Variants in CKAP2L observed in about 807,000 individuals in gnomAD.
CKAP2L encodes the protein cytoskeleton associated protein 2L.
CKAP2L carries 42 observed loss-of-function variants against 65.7 expected under a neutral mutation model. The ratio of observed to expected loss-of-function variants is 0.64; its 90% CI spans 0.50 to 0.83. CKAP2L has a LOEUF of 0.83. Ranked by LOEUF, CKAP2L falls within the 40% of genes least tolerant of loss-of-function variation. CKAP2L has a pLI of 0.00. For missense variants in CKAP2L, 908 were observed against 871.0 expected (o/e 1.04, Z -0.53); for synonymous variants, 325 against 313.5 (o/e 1.04, Z -0.39).
intron 2 of CKAP2L, among the ~76,000 whole-genome samples, chr2:112,761,235 C>T (rs964812704): frequency 6.6e-6 from 1 of 151,808 alleles, no homozygotes; most frequent in African/African-American, 2.4e-5. Flanking sequence ...CCAAGGCAGG[C>T]GGATCATGAG....
chr2:112,745,603 G>T (rs1163680974), intron 6 of CKAP2L, among the ~76,000 whole-genome samples: 1 of 152,030 alleles, frequency 6.6e-6, no homozygotes, highest in African/African-American at 2.4e-5. Flanking sequence ...AAATGGTCTC[G>T]ATCTCCTGAC....
At position 112,756,956 on chromosome 2, in the gene CKAP2L, C is replaced by G; in HGVS notation, c.415G>C (p.Val139Leu). Reference sequence around the variant, plus strand: ...AATTGCTCTATATTAAGTGACCCCACAGGTTTTCTTGACAGTTCTCCTGTT... The same window carrying G: ...AATTGCTCTATATTAAGTGACCCCAGAGGTTTTCTTGACAGTTCTCCTGTT... The part of the protein sequence containing the change: ...STTGELSRKP[V>L]GSLNIEQLKT... The change falls in exon 4 of 9, where the codon GTG (valine) becomes CTG (leucine). Residue 139 changes from valine to leucine, a missense_variant. Transcript: ENST00000302450. 1 of 1,614,242 alleles carries G rather than the reference C, an allele frequency of 6.2e-7. No individual in the cohort carries two copies. Among genetic ancestry groups the G allele is most frequent in the Non-Finnish European group, 8.5e-7 (1 of 1,180,040 alleles).
In CKAP2L at chr2:112,756,169, G is replaced by A. The variant is rs369995748; in HGVS notation, c.1202C>T (p.Thr401Ile). ...ATTATTGTTATGTTTATTACCACTG[G>A]TTCCATTTGGTCTTATGCTAGGGGT... Reference protein sequence around the residue: ...PSTPSIRPNGTSGNKHNNNGF... With the variant: ...PSTPSIRPNGISGNKHNNNGF... The change falls in exon 4 of 9, where the codon ACC becomes ATC. Residue 401 changes from threonine to isoleucine, a missense_variant. Transcript: ENST00000302450. 5.0e-6 allele frequency: 8 copies of A among 1,614,066 alleles called. No individual in the cohort carries two copies. Among genetic ancestry groups the A allele is most frequent in the Non-Finnish European group, 6.8e-6 (8 of 1,179,970 alleles).
chr2:112,756,161 T>C lies in CKAP2L; in HGVS notation c.1210A>G (p.Asn404Asp), dbSNP rs141509802. ...TGAAAGCCATTATTGTTATGTTTAT[T>C]ACCACTGGTTCCATTTGGTCTTATG... is the stretch of plus-strand genomic sequence containing the variant. The part of the protein sequence containing the change: ...PSIRPNGTSG[N>D]KHNNNGFQQK... Residue 404 changes from asparagine to aspartate, a missense_variant, in exon 4 of 9, where the codon AAT becomes GAT. Coordinates refer to ENST00000302450, the MANE Select transcript of CKAP2L (RefSeq NM_152515.5). The C allele has an allele frequency of 1.7e-4, 277 of 1,614,024 alleles. 2 individuals are homozygous for C. The highest frequency in any genetic ancestry group is 3.9e-5 in the Non-Finnish European group (46 of 1,180,002).
At chr2:112,741,816 A>G (rs1309264467) in intron 7 of CKAP2L, among the ~76,000 whole-genome samples, 1 of 151,794 alleles carries the variant, frequency 6.6e-6, no homozygotes, top group African/African-American at 2.4e-5. Flanking sequence ...GCTGGAGTGC[A>G]GTGGCGTGAT....
Position 112,756,531 on chromosome 2 carries a change from A to G in CKAP2L, c.840T>C (p.Ser280=), listed in dbSNP as rs1680543406. 4 of 1,609,246 alleles carry G rather than the reference A, an allele frequency of 2.5e-6. No individual in the cohort carries two copies. Among genetic ancestry groups the G allele is most frequent in the Non-Finnish European group, 2.5e-6 (3 of 1,178,242 alleles). ...CTTTACTAAGGGTCCGAATAAAGTG[A>G]GAGGGAACCGTCCTTGAGGGTTTTA... ...PGVKPSRTVP[S]HFIRTLSKVQ... is the part of the protein sequence containing the mutation. Residue 280 remains serine, a synonymous_variant, in exon 4 of 9, where the codon TCT becomes TCC. Coordinates refer to ENST00000302450, the MANE Select transcript of CKAP2L (RefSeq NM_152515.5).
intron 2 of CKAP2L, among the ~76,000 whole-genome samples, chr2:112,761,611 G>C (rs887956725): frequency 1.5e-4 from 23 of 149,212 alleles, no homozygotes; most frequent in Non-Finnish European, 3.3e-4. Flanking sequence ...TGCAGAAAAA[G>C]GATTGGAAAA....
chr2:112,756,867 A>G lies in CKAP2L; in HGVS notation c.504T>C (p.Asn168=). The G allele has an allele frequency of 6.2e-7, 1 of 1,607,452 alleles. No homozygotes were observed. Among genetic ancestry groups the G allele is most frequent in the Non-Finnish European group, 8.5e-7 (1 of 1,178,110 alleles). The part of the protein sequence containing the change: ...GNGKCIDFMN[N]IHVENESLDN... ...CCAAAGATTCGTTTTCAACATGGAT[A>G]TTATTCATAAAGTCTATACATTTAC... The change falls in exon 4 of 9, where the codon AAT becomes AAC. Residue 168 remains asparagine (N), a synonymous_variant. Transcript: ENST00000302450.
intron 3 of CKAP2L, among the ~76,000 whole-genome samples, chr2:112,757,430 C>G (rs1680579760): frequency 6.9e-6 from 1 of 144,684 alleles, no homozygotes; most frequent in African/African-American, 2.6e-5. Context: ...TGCTCTGTCA[C>G]CCAGTCTGGT....
At chr2:112,762,871 T>A (rs906670632) in intron 1 of CKAP2L, among the ~76,000 whole-genome samples, 4 of 151,822 alleles carry the variant, frequency 2.6e-5, no homozygotes, top group Admixed American at 2.6e-4. Context: ...GTTGACTTGA[T>A]CTCCCAGGTT....
rs548396440 is a variant in CKAP2L at position 112,736,374 on chromosome 2, G to C, written c.*2449C>G. Among the ~76,000 whole-genome samples the C allele has an allele frequency of 2.0e-5, 3 of 152,016 alleles. No individual in the cohort carries two copies. The highest frequency in any genetic ancestry group is 4.4e-5 in the Non-Finnish European group (3 of 68,024). On this transcript the variant is annotated 3_prime_UTR_variant, in exon 9 of 9. Transcript: ENST00000302450. ...TTTTGGTGACAATTTTATTTTATTA[G>C]GTATATTTAAGATTTACAACATGAT... is the stretch of plus-strand genomic sequence containing the variant.
chr2:112,758,230 T>A (rs1376285085), intron 3 of CKAP2L, among the ~76,000 whole-genome samples: 2 of 152,312 alleles, frequency 1.3e-5, no homozygotes, highest in South Asian at 2.1e-4. Context: ...TTTTGAAAAC[T>A]AGGGAAGGGA....
At chr2:112,752,017 T>A (rs923241290) in intron 5 of CKAP2L, among the ~76,000 whole-genome samples, 5 of 152,206 alleles carry the variant, frequency 3.3e-5, no homozygotes, top group Non-Finnish European at 2.9e-5. Flanking sequence ...TCAGTTTTGT[T>A]TGTAAAGTGG....
At chr2:112,747,041 A>G (rs1028054227) in intron 5 of CKAP2L, among the ~76,000 whole-genome samples, 1 of 151,650 alleles carries the variant, frequency 6.6e-6, no homozygotes, top group Non-Finnish European at 1.5e-5. Context: ...CGCCCACCTC[A>G]GCCTCTTAAC....
At chr2:112,764,131 C>T (rs1179594789) in intron 1 of CKAP2L, 1 of 230,738 alleles carries the variant, frequency 4.3e-6, no homozygotes, top group Non-Finnish European at 8.8e-6. Flanking sequence ...GTGAGAGCCC[C>T]GCCAGAGGCA....
Position 112,738,007 on chromosome 2 carries a change from G to A in CKAP2L, c.*816C>T, listed in dbSNP as rs1489713672. ...AGGTAAAACCTTTCCACAAATAGTT[G>A]CCCAGGAGGAAGAAAAAGCAACCTA... On this transcript the variant is annotated 3_prime_UTR_variant, in exon 9 of 9. Coordinates refer to ENST00000302450, the MANE Select transcript of CKAP2L (RefSeq NM_152515.5). The A allele has an allele frequency of 2.6e-5, 4 of 152,044 alleles. No homozygotes were observed. Among genetic ancestry groups the A allele is most frequent in the African/African-American group, 4.8e-5 (2 of 41,388 alleles). The allele number at this position is 152,044 out of a possible 1,614,324, so 9.4% of individuals were successfully genotyped here.
chr2:112,753,567 G>A (rs574219724), intron 4 of CKAP2L, among the ~76,000 whole-genome samples: 14 of 102,942 alleles, frequency 1.4e-4, no homozygotes, highest in Non-Finnish European at 2.1e-4. Flanking sequence ...TTGCTCTGTT[G>A]CCCAGGCTGG....
chr2:112,741,940 GT>G (rs57634251), intron 7 of CKAP2L, among the ~76,000 whole-genome samples: 38,417 of 71,838 alleles, frequency 0.53, 9,411 homozygotes, highest in East Asian at 0.66. Flanking sequence ...TTTCTTTTCT[GT>G]TTTTTTTTTT....
chr2:112,759,654 C>T (rs1680658241), intron 3 of CKAP2L, among the ~76,000 whole-genome samples: 1 of 152,116 alleles, frequency 6.6e-6, no homozygotes, highest in Non-Finnish European at 1.5e-5. Flanking sequence ...AAAAGTGTAA[C>T]CCAGTGCTTC....
Sources: allele counts gnomAD v4.1 joint callset (sites outside exome capture counted in the v4.1 genomes callset), GRCh38; gene constraint gnomAD v4.1.1; transcripts MANE v1.5; gene names NCBI Gene and HGNC (gene_info 2026-07-23, HGNC 2026-07-21).